Variants in RSRC1 observed in about 807,000 individuals in gnomAD.
RSRC1 encodes the protein serine/Arginine-related protein 53.
Under a neutral mutation model 49.1 loss-of-function variants are expected in RSRC1, and 39 were observed. That is an observed-to-expected ratio of 0.79 (90% CI 0.61 to 1.04). The LOEUF (loss-of-function observed/expected upper bound fraction) is 1.04. Ranked by LOEUF, RSRC1 falls within the 50% of genes least tolerant of loss-of-function variation. The probability of loss-of-function intolerance (pLI) is 0.00; values close to 1 mark genes in which losing one functional copy is unlikely to be tolerated. For missense variants in RSRC1, 388 were observed against 402.4 expected, an observed-to-expected ratio of 0.96 and a Z score of 0.31; for synonymous variants, 143 against 130.8, an observed-to-expected ratio of 1.09 and a Z score of -0.63.
intron 8 of RSRC1, among the ~76,000 whole-genome samples, chr3:158,541,297 T>C (rs903461638): frequency 6.6e-6 from 1 of 152,208 alleles, no homozygotes; most frequent in Non-Finnish European, 1.5e-5. Context: ...AGTAGATGTT[T>C]TTCCCTTCCT....
At chr3:158,377,605 A>G (rs1386880998) in intron 6 of RSRC1, among the ~76,000 whole-genome samples, 3 of 151,760 alleles carry the variant, frequency 2.0e-5, no homozygotes, top group East Asian at 1.9e-4. Context: ...TACAGCCTGT[A>G]GGACCAGGAG....
chr3:158,204,401 TA>T (rs1246337839), intron 4 of RSRC1, among the ~76,000 whole-genome samples: 1 of 152,174 alleles, frequency 6.6e-6, no homozygotes, highest in Non-Finnish European at 1.5e-5. Flanking sequence ...ACCATTAATG[TA>T]CAGTAATCAG....
At chr3:158,497,236 C>T (rs1739373406) in intron 7 of RSRC1, among the ~76,000 whole-genome samples, 2 of 147,132 alleles carry the variant, frequency 1.4e-5, no homozygotes, top group Admixed American at 1.4e-4. Context: ...CCCTGGCAAC[C>T]ACCATTAGGA....
At chr3:158,389,865 C>T (rs920349246) in intron 6 of RSRC1, among the ~76,000 whole-genome samples, 4 of 152,122 alleles carry the variant, frequency 2.6e-5, no homozygotes. Flanking sequence ...ATGCTACTTG[C>T]CTTTTTCAGT....
At chr3:158,424,928 C>T (rs1456246406) in intron 6 of RSRC1, among the ~76,000 whole-genome samples, 1 of 151,000 alleles carries the variant, frequency 6.6e-6, no homozygotes, top group African/African-American at 2.4e-5. Flanking sequence ...TGGTGATATC[C>T]CCTTTATCAT....
At chr3:158,292,119 A>G (rs566624312) in intron 4 of RSRC1, among the ~76,000 whole-genome samples, 2 of 152,304 alleles carry the variant, frequency 1.3e-5, no homozygotes, top group South Asian at 4.1e-4. Context: ...AGTTAGTTTT[A>G]AAATGTCTGC....
At chr3:158,484,005 C>T (rs528267660) in intron 7 of RSRC1, among the ~76,000 whole-genome samples, 6 of 152,242 alleles carry the variant, frequency 3.9e-5, no homozygotes, top group Non-Finnish European at 5.9e-5. Flanking sequence ...CGCTAAGCTT[C>T]GCTTCCCAAT....
intron 5 of RSRC1, among the ~76,000 whole-genome samples, chr3:158,330,499 A>G (rs1003311249): frequency 6.6e-6 from 1 of 152,118 alleles, no homozygotes; most frequent in African/African-American, 2.4e-5. Flanking sequence ...CATTTTCTGG[A>G]TGGTAGGCAA....
At chr3:158,483,810 A>G (rs1449772720) in intron 7 of RSRC1, among the ~76,000 whole-genome samples, 1 of 152,048 alleles carries the variant, frequency 6.6e-6, no homozygotes, top group African/African-American at 2.4e-5. Flanking sequence ...TCTTTTATAT[A>G]TTGGTATAAT....
At chr3:158,141,786 A>C (rs975615669) in intron 3 of RSRC1, among the ~76,000 whole-genome samples, 15 of 152,138 alleles carry the variant, frequency 9.9e-5, no homozygotes, top group African/African-American at 3.6e-4. Flanking sequence ...TTAAAAGATT[A>C]GGTTATGAGT....
intron 4 of RSRC1, among the ~76,000 whole-genome samples, chr3:158,250,001 G>GA (rs1242762353): frequency 6.6e-6 from 1 of 151,910 alleles, no homozygotes; most frequent in African/African-American, 2.4e-5. Context: ...AAGCATCATT[G>GA]TACTCTCTCC....
intron 6 of RSRC1, among the ~76,000 whole-genome samples, chr3:158,443,837 C>A (rs1239100364): frequency 1.3e-5 from 2 of 152,138 alleles, no homozygotes; most frequent in African/African-American, 4.8e-5. Flanking sequence ...CTTCCTTTCA[C>A]TTGAACACTC....
At chr3:158,309,669 AT>A (rs1728025295) in intron 5 of RSRC1, among the ~76,000 whole-genome samples, 2 of 151,928 alleles carry the variant, frequency 1.3e-5, no homozygotes, top group South Asian at 4.1e-4. Context: ...TCCTAGTAAA[AT>A]TTTGGTAATG....
At chr3:158,538,682 T>G (rs1712859926) in intron 8 of RSRC1, among the ~76,000 whole-genome samples, 1 of 151,956 alleles carries the variant, frequency 6.6e-6, no homozygotes, top group African/African-American at 2.4e-5. Context: ...AAACTTATTT[T>G]CAAGTCAACG....
At position 158,491,455 on chromosome 3, in the gene RSRC1, G is replaced by T. The variant is rs530600750; in HGVS notation, c.652+30452G>T. Among the ~76,000 whole-genome samples, 14 of 152,202 alleles carry T rather than the reference G, an allele frequency of 9.2e-5. No individual in the cohort carries two copies. In the South Asian group the frequency reaches 1.7e-3, roughly 18 times the overall value. The stretch of plus-strand genomic sequence containing the variant: ...CAGGATTTTGCTTTGTTTTGTTTTG[G>T]TTTGGTTTGGTTTTTTTGGTGTTTA... On this transcript the variant is annotated intron_variant, in intron 7 of 9. Coordinates refer to ENST00000611884, the MANE Select transcript of RSRC1 (RefSeq NM_001271838.2).
At chr3:158,110,639 G>A (rs1188526078) in intron 1 of RSRC1, 1 of 152,352 alleles carries the variant, frequency 6.6e-6, no homozygotes, top group South Asian at 2.1e-4. Context: ...GGATTCTGGT[G>A]CCCTCTATCC....
At chr3:158,201,566 A>T (rs1407048640) in intron 3 of RSRC1, among the ~76,000 whole-genome samples, 1 of 152,034 alleles carries the variant, frequency 6.6e-6, no homozygotes, top group African/African-American at 2.4e-5. Context: ...TTAATTCTTC[A>T]TATTGGGTAA....
chr3:158,265,953 G>T (rs1724650), intron 4 of RSRC1, among the ~76,000 whole-genome samples: 144,079 of 152,224 alleles, frequency 0.95, 68,289 homozygotes, highest in East Asian at 1. Flanking sequence ...ACTTTGCCAT[G>T]TTGATTGAAT....
At chr3:158,370,421 C>T (rs1486039763) in intron 6 of RSRC1, among the ~76,000 whole-genome samples, 2 of 151,932 alleles carry the variant, frequency 1.3e-5, no homozygotes, top group Non-Finnish European at 2.9e-5. Flanking sequence ...ATTCTCTCTC[C>T]CTATTCCTGG....
Sources: allele counts gnomAD v4.1 joint callset (sites outside exome capture counted in the v4.1 genomes callset), GRCh38; gene constraint gnomAD v4.1.1; transcripts MANE v1.5; gene names NCBI Gene and HGNC (gene_info 2026-07-23, HGNC 2026-07-21).